The following SOX5 variants were observed in gnomAD, a reference collection of about 807,000 sequenced individuals.
SOX5 encodes SRY-box transcription factor 5.
Under a neutral mutation model 92.0 loss-of-function variants are expected in SOX5, and 9 were observed. The ratio of observed to expected loss-of-function variants is 0.10; its 90% CI spans 0.06 to 0.17. The LOEUF (loss-of-function observed/expected upper bound fraction) is 0.17, where lower values mean the gene tolerates loss of function less well. Among genes scored for constraint, SOX5 ranks in the 10% least tolerant of loss-of-function variants. The pLI is 1.00. For synonymous variants in SOX5, 344 were observed against 336.3 expected (o/e 1.02, Z -0.25); for missense variants, 642 against 944.5 (o/e 0.68, Z 4.20).
chr12:24,218,636 A>T lies in SOX5; in HGVS notation c.-76-5219T>A, dbSNP rs186604439. On this transcript the variant is annotated intron_variant, in intron 3 of 4. Coordinates refer to the SOX5 transcript ENST00000446891. ...AATGAATGAATTGTATGGTACATAA[A>T]TTATAACTCAACAAACAAGTCTTTT... Among the ~76,000 whole-genome samples, 23 of 152,328 alleles carry T rather than the reference A, an allele frequency of 1.5e-4. No individual in the cohort carries two copies. In the East Asian group the frequency reaches 4.2e-3, roughly 28 times the overall value.
intron 2 of SOX5, among the ~76,000 whole-genome samples, chr12:23,883,106 G>A (rs992088296): frequency 6.6e-6 from 1 of 151,624 alleles, no homozygotes; most frequent in African/African-American, 2.4e-5. Context: ...GCGTGAACCC[G>A]GGAGGTGGAG....
chr12:24,499,401 T>A (rs1432256516), intron 1 of SOX5, among the ~76,000 whole-genome samples: 1 of 152,220 alleles, frequency 6.6e-6, no homozygotes, highest in Non-Finnish European at 1.5e-5. Flanking sequence ...TTGAAAAAGA[T>A]GTGGCAATTC....
At chr12:24,094,784 T>C (rs1484004532) in intron 4 of SOX5, among the ~76,000 whole-genome samples, 16 of 152,170 alleles carry the variant, frequency 1.1e-4, no homozygotes, top group Non-Finnish European at 2.2e-4. Context: ...TGCATTCATA[T>C]ATGAATTTAA....
At chr12:23,781,245 C>T (rs2141768890) in intron 3 of SOX5, among the ~76,000 whole-genome samples, 1 of 151,920 alleles carries the variant, frequency 6.6e-6, no homozygotes, top group African/African-American at 2.4e-5. Context: ...GAAACCTCTG[C>T]TGTTACCATG....
chr12:24,229,049 T>C (rs965119186), intron 3 of SOX5, among the ~76,000 whole-genome samples: 2 of 152,194 alleles, frequency 1.3e-5, no homozygotes, highest in African/African-American at 4.8e-5. Flanking sequence ...CAACAATCCA[T>C]ATCCCCACTT....
rs1482032345 is a variant in SOX5 at position 24,489,285 on chromosome 12, A to G, written c.-251+73044T>C. On this transcript the variant is annotated intron_variant, in intron 1 of 4. Transcript: ENST00000446891. The stretch of plus-strand genomic sequence containing the variant: ...ACTTGTTCAACTATCAGAGCCAGGT[A>G]TCAGAGTCAAATATTGGACTGAAGA... Among the ~76,000 whole-genome samples the G allele has an allele frequency of 5.9e-5, 9 of 152,310 alleles. No homozygotes were observed. The East Asian group carries it at 1.7e-3, about 29-fold the overall frequency.
intron 4 of SOX5, among the ~76,000 whole-genome samples, chr12:23,990,250 C>A (rs1013844448): frequency 1.2e-4 from 19 of 152,102 alleles, no homozygotes; most frequent in African/African-American, 3.9e-4. Flanking sequence ...TGCAAGAGAT[C>A]TTTTTAAGAT....
chr12:23,932,560 T>TG (rs1428966326), intron 1 of SOX5, among the ~76,000 whole-genome samples: 1 of 151,604 alleles, frequency 6.6e-6, no homozygotes, highest in Non-Finnish European at 1.5e-5. Context: ...TACTTTCAAG[T>TG]GAATCAGAAA....
At chr12:24,056,962 G>C (rs1290105007) in intron 4 of SOX5, among the ~76,000 whole-genome samples, 1 of 44,056 alleles carries the variant, frequency 2.3e-5, no homozygotes, top group East Asian at 4.2e-4. Context: ...GCGACAGAGC[G>C]AGACTCCGTC....
At chr12:24,249,885 CT>C (rs919197069) in intron 3 of SOX5, among the ~76,000 whole-genome samples, 1 of 152,026 alleles carries the variant, frequency 6.6e-6, no homozygotes, top group African/African-American at 2.4e-5. Context: ...GGCACTAGTG[CT>C]TTTTTTTCCT....
chr12:24,340,741 TTTGA>T (rs1362768127), intron 2 of SOX5, among the ~76,000 whole-genome samples: 1 of 152,230 alleles, frequency 6.6e-6, no homozygotes, highest in Admixed American at 6.5e-5. Flanking sequence ...AGCAGAGTCC[TTTGA>T]TTGAAACCTC....
intron 2 of SOX5, among the ~76,000 whole-genome samples, chr12:24,331,938 G>A (rs776500459): frequency 7.7e-6 from 1 of 129,838 alleles, no homozygotes; most frequent in Non-Finnish European, 1.7e-5. Flanking sequence ...AGTAAAAGGT[G>A]TGAATGTTTT....
At chr12:24,105,712 T>C (rs1345950851) in intron 4 of SOX5, among the ~76,000 whole-genome samples, 7 of 152,158 alleles carry the variant, frequency 4.6e-5, no homozygotes, top group Admixed American at 2.6e-4. Flanking sequence ...CTATATGCAA[T>C]ATCACCTCAA....
At chr12:23,720,394 G>A (rs757305971) in intron 6 of SOX5, among the ~76,000 whole-genome samples, 19 of 152,088 alleles carry the variant, frequency 1.2e-4, no homozygotes, top group Non-Finnish European at 2.1e-4. Context: ...AGGTATCAAA[G>A]AGGCCCTCTA....
intron 4 of SOX5, among the ~76,000 whole-genome samples, chr12:24,144,499 T>C (rs569510905): frequency 1.3e-5 from 2 of 150,204 alleles, no homozygotes; most frequent in African/African-American, 4.8e-5. Flanking sequence ...TAAAAACAAA[T>C]TATATAATTA....
chr12:24,273,899 C>T (rs1327516941), intron 3 of SOX5, among the ~76,000 whole-genome samples: 1 of 152,116 alleles, frequency 6.6e-6, no homozygotes, highest in African/African-American at 2.4e-5. Flanking sequence ...AGTCTAAAAA[C>T]TTTCTAGTTT....
intron 3 of SOX5, among the ~76,000 whole-genome samples, chr12:24,248,690 T>C (rs1409814852): frequency 6.6e-6 from 1 of 152,156 alleles, no homozygotes; most frequent in Admixed American, 6.5e-5. Flanking sequence ...TGGCCCTTCT[T>C]TTCCTTTTTT....
At position 23,626,807 on chromosome 12, in the gene SOX5, C is replaced by A. The variant is rs142676805; in HGVS notation, c.1017+14005G>T. Among the ~76,000 whole-genome samples, 51 of 151,932 alleles carry A rather than the reference C, an allele frequency of 3.4e-4. No individual in the cohort carries two copies. In the East Asian group the frequency reaches 9.9e-3, roughly 29 times the overall value. On this transcript the variant is annotated intron_variant, in intron 8 of 14. Coordinates refer to ENST00000451604, the MANE Select transcript of SOX5 (RefSeq NM_006940.6). ...GACATGAGACCAGATTCATACATCA[C>A]TTCTGAGGCAGGTTGAGACTAGAAC...
chr12:24,216,007 G>A (rs78757953), intron 3 of SOX5, among the ~76,000 whole-genome samples: 1,591 of 152,290 alleles, frequency 0.01, 7 homozygotes, highest in Non-Finnish European at 0.018. Context: ...ATGGAAGGAA[G>A]AATAGTTGTC....
Sources: allele counts gnomAD v4.1 joint callset (sites outside exome capture counted in the v4.1 genomes callset), GRCh38; gene constraint gnomAD v4.1.1; transcripts MANE v1.5; gene names NCBI Gene and HGNC (gene_info 2026-07-23, HGNC 2026-07-21).